Variants in MMP28 observed in about 807,000 individuals in gnomAD.
The protein encoded by MMP28 is matrix metallopeptidase 28.
Under a neutral mutation model 60.5 loss-of-function variants are expected in MMP28, and 55 were observed. The observed-to-expected ratio is 0.91, with a 90% CI of 0.73 to 1.14. The LOEUF (loss-of-function observed/expected upper bound fraction) is 1.14, where lower values mean the gene tolerates loss of function less well. Ranked by LOEUF, MMP28 falls within the 50% of genes most tolerant of loss-of-function variation. The pLI is 0.00. For missense variants in MMP28, 686 were observed against 738.3 expected, an observed-to-expected ratio of 0.93 and a Z score of 0.82; for synonymous variants, 318 against 312.5, an observed-to-expected ratio of 1.02 and a Z score of -0.18.
chr17:35,777,278 C>T (rs2086359860), intron 3 of MMP28, among the ~76,000 whole-genome samples: 1 of 152,218 alleles, frequency 6.6e-6, no homozygotes, highest in Non-Finnish European at 1.5e-5. Flanking sequence ...GCTCTCTGCT[C>T]TTCTACTTCA....
chr17:35,781,389 C>T (rs896927040), intron 1 of MMP28, among the ~76,000 whole-genome samples: 8 of 152,254 alleles, frequency 5.3e-5, no homozygotes, highest in Admixed American at 4.6e-4. Context: ...GATCCTAGAG[C>T]TCAAAGCAGC....
At chr17:35,779,967 T>C (rs2086450543) in intron 1 of MMP28, among the ~76,000 whole-genome samples, 1 of 152,212 alleles carries the variant, frequency 6.6e-6, no homozygotes, top group African/African-American at 2.4e-5. Context: ...GCTTATCAGG[T>C]GCTAGCTCTG....
chr17:35,779,175 G>C, intron 2 of MMP28, 69 bp downstream of exon 2: 1 of 1,565,930 alleles, frequency 6.4e-7, no homozygotes. Context: ...TCCAGGAGGA[G>C]GGAGGAAATG....
At chr17:35,794,951 C>A (rs1016782950) in intron 1 of MMP28, among the ~76,000 whole-genome samples, 3 of 152,176 alleles carry the variant, frequency 2.0e-5, no homozygotes, top group Non-Finnish European at 2.9e-5. Context: ...CTCATTCTCC[C>A]CAGCCTAGGT....
At chr17:35,779,657 C>T (rs2086442124) in intron 1 of MMP28, among the ~76,000 whole-genome samples, 1 of 152,182 alleles carries the variant, frequency 6.6e-6, no homozygotes, top group Non-Finnish European at 1.5e-5. Flanking sequence ...CAGTAACAGG[C>T]TCTGGAGTCA....
chr17:35,759,094 T>G (rs117593295), intron 2 of MMP28, among the ~76,000 whole-genome samples: 2,823 of 152,346 alleles, frequency 0.019, 27 homozygotes, highest in Non-Finnish European at 0.029. Context: ...ATCTTGACTG[T>G]GTTCTTATTC....
chr17:35,788,434 C>T (rs2086717584), intron 1 of MMP28, among the ~76,000 whole-genome samples: 1 of 152,146 alleles, frequency 6.6e-6, no homozygotes, highest in African/African-American at 2.4e-5. Flanking sequence ...TAGGGTCATG[C>T]TTCCACTACC....
At chr17:35,763,438 C>CT (rs782005643), downstream of MMP28, among the ~76,000 whole-genome samples, 9,569 of 101,336 alleles carry the variant, frequency 0.094, 499 homozygotes, top group Middle Eastern at 0.13. Context: ...CCATGCCCAG[C>CT]TTTTTTTTTT....
intron 2 of MMP28, among the ~76,000 whole-genome samples, chr17:35,759,110 C>A (rs2085772868): frequency 6.6e-6 from 1 of 152,176 alleles, no homozygotes; most frequent in African/African-American, 2.4e-5. Context: ...TATTCGCCAC[C>A]CTTCCTTGAT....
chr17:35,778,617 G>T, intron 3 of MMP28: 1 of 678,766 alleles, frequency 1.5e-6, no homozygotes, highest in Non-Finnish European at 2.3e-6. Context: ...GCCCTGCATT[G>T]AAAATTTATC....
At chr17:35,759,957 T>G (rs2085787691) in intron 2 of MMP28, among the ~76,000 whole-genome samples, 1 of 152,190 alleles carries the variant, frequency 6.6e-6, no homozygotes. Flanking sequence ...AGCTTGCAAA[T>G]AGGATAACAT....
chr17:35,794,103 A>AAAAAC (rs1369188486), intron 1 of MMP28, among the ~76,000 whole-genome samples: 1 of 152,016 alleles, frequency 6.6e-6, no homozygotes, highest in Non-Finnish European at 1.5e-5. Context: ...GTCTCAAAAC[A>AAAAAC]AAAACAAAAC....
In MMP28 at chr17:35,779,062, C is replaced by G. The variant is rs775445556; in HGVS notation, c.205G>C (p.Val69Leu). 1.9e-6 allele frequency: 3 copies of G among 1,613,780 alleles called. No individual in the cohort carries two copies. Among genetic ancestry groups the G allele is most frequent in the African/African-American group, 1.3e-5 (1 of 74,904 alleles). Reference sequence around the variant, plus strand: ...ACGCCGCTGACAGGTAGCTGGGACACCCACTGAAACGCTCTGTCAGGAGGA... The same window carrying G: ...ACGCCGCTGACAGGTAGCTGGGACAGCCACTGAAACGCTCTGTCAGGAGGA... ...FSDAIRAFQWVSQLPVSGVLD... is the reference protein window; with the variant it reads ...FSDAIRAFQWLSQLPVSGVLD... The change falls in exon 3 of 8, where the codon GTG (valine) becomes CTG (leucine). Residue 69 changes from valine (V) to leucine (L), a missense_variant. Transcript: ENST00000605424.
chr17:35,794,622 C>T (rs1354680404), intron 1 of MMP28, among the ~76,000 whole-genome samples: 2 of 152,094 alleles, frequency 1.3e-5, no homozygotes, highest in African/African-American at 4.8e-5. Flanking sequence ...CTTGCGCAAC[C>T]TACAACAAGC....
chr17:35,794,659 A>G lies in MMP28; in HGVS notation c.111+608T>C, dbSNP rs569374588. Reference sequence around the variant, plus strand: ...AGTTGAGTCCAAAGCAAGAAAATGGAAAGGGAGCTCTCTAAGGTTCACCTT... The same window carrying G: ...AGTTGAGTCCAAAGCAAGAAAATGGGAAGGGAGCTCTCTAAGGTTCACCTT... On this transcript the variant is annotated intron_variant, in intron 1 of 7. Coordinates refer to ENST00000605424, the MANE Select transcript of MMP28 (RefSeq NM_024302.5). Among the ~76,000 whole-genome samples, 4 of 152,284 alleles carry G rather than the reference A, an allele frequency of 2.6e-5. No individual in the cohort carries two copies. The East Asian group carries it at 7.7e-4, about 29-fold the overall frequency.
exon 3 of MMP28, chr17:35,756,388 C>T: frequency 1.0e-6 from 1 of 985,286 alleles, no homozygotes; most frequent in Non-Finnish European, 1.2e-6. Flanking sequence ...CTTACATAGT[C>T]AATGCCGATC....
At chr17:35,763,496 C>A (rs1555601925), downstream of MMP28, among the ~76,000 whole-genome samples, 1 of 148,338 alleles carries the variant, frequency 6.7e-6, no homozygotes, top group Non-Finnish European at 1.5e-5. Flanking sequence ...TTGTTGCCCA[C>A]ACTGGTCTCG....
intron 7 of MMP28, among the ~76,000 whole-genome samples, chr17:35,767,436 G>A (rs1161032418): frequency 2.6e-5 from 4 of 152,104 alleles, no homozygotes; most frequent in South Asian, 2.1e-4. Context: ...TAAGCGACAC[G>A]TCCAACCCCA....
Position 35,795,592 on chromosome 17 carries a change from G to A in MMP28, c.-215C>T, listed in dbSNP as rs1375884561. ...GAGCCGGCCAGACGTCGTCCAGCCCGGGCAGTGCCTGCCCGCGGGTCCGCC... is the reference window on the plus strand; with the variant it reads ...GAGCCGGCCAGACGTCGTCCAGCCCAGGCAGTGCCTGCCCGCGGGTCCGCC... On this transcript the variant is annotated 5_prime_UTR_variant, in exon 1 of 8. Transcript: ENST00000605424. The A allele has an allele frequency of 5.3e-6, 2 of 380,528 alleles. No individual in the cohort carries two copies. Among genetic ancestry groups the A allele is most frequent in the East Asian group, 7.5e-5 (2 of 26,614 alleles). 23.6% of individuals were successfully genotyped at this position (380,528 alleles called of 1,614,324 possible). A position where few individuals can be genotyped will look rare whatever the true frequency, so the allele number is the denominator to read the frequency against.
Sources: gnomAD v4.1 joint callset for allele counts (sites outside exome capture counted in the v4.1 genomes callset) on GRCh38, gnomAD v4.1.1 for gene constraint, MANE v1.5 for transcripts, NCBI Gene and HGNC (gene_info 2026-07-23, HGNC 2026-07-21) for gene names.